Variants in ADAMTSL3 observed in about 807,000 individuals in gnomAD.
The protein encoded by ADAMTSL3 is ADAMTS like 3.
Under a neutral mutation model 201.7 loss-of-function variants are expected in ADAMTSL3, and 128 were observed. The ratio of observed to expected loss-of-function variants is 0.63; its 90% CI spans 0.55 to 0.73. The LOEUF is 0.73. ADAMTSL3 is among the 30% of genes least tolerant of loss of function. The pLI, the probability that ADAMTSL3 is intolerant of heterozygous loss-of-function variation, is 0.00. For missense variants in ADAMTSL3, 1,990 were observed against 2,119.6 expected, an observed-to-expected ratio of 0.94 and a Z score of 1.20; for synonymous variants, 738 against 748.4, an observed-to-expected ratio of 0.99 and a Z score of 0.23.
intron 7 of ADAMTSL3, 91 bp downstream of exon 7, chr15:83,838,306 T>G (rs1442179818): frequency 5.4e-6 from 8 of 1,470,904 alleles, no homozygotes; most frequent in Non-Finnish European, 7.3e-6. Flanking sequence ...ATGTTAAGCT[T>G]TTTTAGTTGG....
At chr15:83,912,732 A>G (rs1289062933) in intron 15 of ADAMTSL3, among the ~76,000 whole-genome samples, 1 of 152,218 alleles carries the variant, frequency 6.6e-6, no homozygotes, top group Non-Finnish European at 1.5e-5. Context: ...TATTGGTGAA[A>G]ATCTCCATAT....
At chr15:83,781,076 T>A (rs997421506) in intron 4 of ADAMTSL3, among the ~76,000 whole-genome samples, 2 of 152,036 alleles carry the variant, frequency 1.3e-5, no homozygotes, top group Non-Finnish European at 2.9e-5. Context: ...TCAAGTAACA[T>A]TGAAATTATT....
At chr15:84,002,941 T>TC (rs1046651708) in intron 23 of ADAMTSL3, among the ~76,000 whole-genome samples, 2 of 106,342 alleles carry the variant, frequency 1.9e-5, no homozygotes, top group Admixed American at 8.6e-5. Context: ...CTTTTCTTTT[T>TC]TTTTTTTTTT....
Position 83,776,914 on chromosome 15 carries a change from T to C in ADAMTSL3, c.317+3264T>C, listed in dbSNP as rs77181583. 9.4e-3 allele frequency among the ~76,000 whole-genome samples: 1,405 copies of C among 149,310 alleles called. 23 individuals are homozygous for C. Among genetic ancestry groups the C allele is most frequent in the African/African-American group, 0.033 (1,323 of 40,334 alleles). ...AGCAGGAAATGAAAACAGCCTTTTATGCCTGCAGAACAATTAGATGAGAGT... is the reference window on the plus strand; with the variant it reads ...AGCAGGAAATGAAAACAGCCTTTTACGCCTGCAGAACAATTAGATGAGAGT... On this transcript the variant is annotated intron_variant, in intron 4 of 29. Transcript: ENST00000286744.
intron 17 of ADAMTSL3, among the ~76,000 whole-genome samples, chr15:83,929,719 C>CAG (rs1042472165): frequency 1.3e-5 from 2 of 149,886 alleles, no homozygotes; most frequent in East Asian, 2.0e-4. Context: ...CAGAGAGAGA[C>CAG]AGAGAGACAG....
intron 19 of ADAMTSL3, among the ~76,000 whole-genome samples, chr15:83,948,445 CAG>C (rs1491057347): frequency 2.0e-5 from 3 of 146,572 alleles, no homozygotes; most frequent in Admixed American, 6.9e-5. Context: ...CACACACACA[CAG>C]AGTTATGAAT....
At chr15:83,846,159 GT>G (rs2064492579) in intron 7 of ADAMTSL3, among the ~76,000 whole-genome samples, 1 of 152,184 alleles carries the variant, frequency 6.6e-6, no homozygotes, top group South Asian at 2.1e-4. Flanking sequence ...GGGATTATTA[GT>G]AAAAATACTT....
chr15:83,808,232 T>A (rs2063633471), intron 5 of ADAMTSL3, among the ~76,000 whole-genome samples: 1 of 152,146 alleles, frequency 6.6e-6, no homozygotes, highest in Non-Finnish European at 1.5e-5. Context: ...ACTAGACAGC[T>A]GGACACGGAA....
Position 83,793,444 on chromosome 15 carries a change from A to G in ADAMTSL3, c.318-11206A>G, listed in dbSNP as rs529044966. On this transcript the variant is annotated intron_variant, in intron 4 of 29. Coordinates refer to ENST00000286744, the MANE Select transcript of ADAMTSL3 (RefSeq NM_207517.3). ...ATATTGTACACGATAAATACATACA[A>G]TTTTATCTGTTGGTGTGTTGTTGTT... 1.1e-4 allele frequency among the ~76,000 whole-genome samples: 16 copies of G among 148,016 alleles called. No homozygotes were observed. The Middle Eastern group carries it at 0.014, about 128-fold the overall frequency.
intron 3 of ADAMTSL3, among the ~76,000 whole-genome samples, chr15:83,763,609 A>G (rs1213617168): frequency 6.7e-6 from 1 of 149,622 alleles, no homozygotes; most frequent in African/African-American, 2.5e-5. Context: ...GGTTCACGCC[A>G]TTCTCCGGCC....
chr15:83,844,174 G>A (rs1320277597), intron 7 of ADAMTSL3, among the ~76,000 whole-genome samples: 1 of 152,164 alleles, frequency 6.6e-6, no homozygotes, highest in Admixed American at 6.5e-5. Context: ...TGGCAGCCAA[G>A]CCTATTGATA....
At chr15:84,024,281 T>G (rs2068261962) in intron 26 of ADAMTSL3, among the ~76,000 whole-genome samples, 1 of 152,076 alleles carries the variant, frequency 6.6e-6, no homozygotes, top group Non-Finnish European at 1.5e-5. Flanking sequence ...ACATACAAGA[T>G]CTGATATAGA....
chr15:83,739,895 G>A (rs2062427819), intron 3 of ADAMTSL3: 1 of 591,468 alleles, frequency 1.7e-6, no homozygotes. Flanking sequence ...CCAGATGCCA[G>A]TGACAAGACC....
chr15:83,823,873 C>G (rs535905724), intron 6 of ADAMTSL3, among the ~76,000 whole-genome samples: 15 of 151,150 alleles, frequency 9.9e-5, no homozygotes, highest in Admixed American at 9.2e-4. Flanking sequence ...AAAACAGACT[C>G]CATTTCCTTC....
chr15:83,816,454 GA>G (rs1434837679), intron 5 of ADAMTSL3, among the ~76,000 whole-genome samples: 6 of 152,188 alleles, frequency 3.9e-5, no homozygotes, highest in Non-Finnish European at 4.4e-5. Context: ...TTAATTTTGT[GA>G]AACTTCATTG....
intron 26 of ADAMTSL3, among the ~76,000 whole-genome samples, chr15:84,024,275 A>G (rs892262972): frequency 6.6e-6 from 1 of 152,192 alleles, no homozygotes; most frequent in Non-Finnish European, 1.5e-5. Context: ...AAACAAACAT[A>G]CAAGATCTGA....
At chr15:84,033,975 A>G (rs2049511) in intron 28 of ADAMTSL3, among the ~76,000 whole-genome samples, 49,131 of 151,976 alleles carry the variant, frequency 0.32, 8,807 homozygotes, top group East Asian at 0.48. Flanking sequence ...AAATTCCTAG[A>G]GCTGGGGGTG....
intron 6 of ADAMTSL3, among the ~76,000 whole-genome samples, chr15:83,828,922 G>T (rs527919062): frequency 6.6e-6 from 1 of 152,290 alleles, no homozygotes; most frequent in East Asian, 1.9e-4. Flanking sequence ...GCTGGATTTG[G>T]TTTGCCAGAA....
At chr15:83,896,638 G>A (rs2065621148) in intron 13 of ADAMTSL3, among the ~76,000 whole-genome samples, 1 of 152,108 alleles carries the variant, frequency 6.6e-6, no homozygotes, top group Non-Finnish European at 1.5e-5. Context: ...GATTGGCGCT[G>A]TCTGTACTGT....
Sources: allele counts gnomAD v4.1 joint callset (sites outside exome capture counted in the v4.1 genomes callset), GRCh38; gene constraint gnomAD v4.1.1; transcripts MANE v1.5; gene names NCBI Gene and HGNC (gene_info 2026-07-23, HGNC 2026-07-21).